GDI2: variants seen among roughly 807,000 people sequenced by gnomAD.
GDI2 encodes the protein rab GDP dissociation inhibitor beta.
A neutral mutation model predicts 54.2 loss-of-function variants in GDI2; 22 were observed. The ratio of observed to expected loss-of-function variants is 0.41; its 90% CI spans 0.29 to 0.58. The LOEUF (loss-of-function observed/expected upper bound fraction) is 0.58, where lower values mean the gene tolerates loss of function less well. GDI2 is among the 20% of genes least tolerant of loss of function. The pLI, the probability that GDI2 is intolerant of heterozygous loss-of-function variation, is 0.35. For synonymous variants in GDI2, 177 were observed against 182.1 expected, an observed-to-expected ratio of 0.97 and a Z score of 0.23; for missense variants, 422 against 546.0, an observed-to-expected ratio of 0.77 and a Z score of 2.26.
Position 5,799,458 on chromosome 10 carries a change from C to G in GDI2, c.153+1140G>C, listed in dbSNP as rs1436562709. On this transcript the variant is annotated intron_variant, in intron 2 of 10. Coordinates refer to ENST00000380191, the MANE Select transcript of GDI2 (RefSeq NM_001494.4). ...CATGAGGTCAGGGGTTCCAGACCAG[C>G]CTGGCCATCATGGTGGAACCCCGTC... Among the ~76,000 whole-genome samples the G allele has an allele frequency of 3.3e-5, 5 of 151,822 alleles. No individual in the cohort carries two copies. The East Asian group carries it at 9.8e-4, about 30-fold the overall frequency.
intron 1 of GDI2, among the ~76,000 whole-genome samples, chr10:5,810,504 A>G (rs1841462435): frequency 6.6e-6 from 1 of 152,278 alleles, no homozygotes; most frequent in African/African-American, 2.4e-5. Flanking sequence ...GGGAAAAAAT[A>G]TGAAGAGTAA....
chr10:5,776,631 C>T lies in GDI2; in HGVS notation c.720-2690G>A. ...GAAAAGGGCAGACTTCTAAATGGTC[C>T]AATAGAAAAGGAGCTGGATGTAGAT... is the stretch of plus-strand genomic sequence containing the variant. On this transcript the variant is annotated intron_variant, in intron 6 of 10. Transcript: ENST00000380191. The surrounding 1 kb of genome is among the most constrained non-coding windows in gnomAD (Gnocchi z 5.3). 2.0e-6 allele frequency: 3 copies of T among 1,493,380 alleles called. No individual in the cohort carries two copies. Among genetic ancestry groups the T allele is most frequent in the Non-Finnish European group, 2.8e-6 (3 of 1,075,048 alleles). The allele number at this position is 1,493,380 out of a possible 1,614,324, so 92.5% of individuals were successfully genotyped here. A position where few individuals can be genotyped will look rare whatever the true frequency, so the allele number is the denominator to read the frequency against.
chr10:5,769,586 A>C (rs1156727582), intron 7 of GDI2, among the ~76,000 whole-genome samples: 1 of 152,110 alleles, frequency 6.6e-6, no homozygotes, highest in Non-Finnish European at 1.5e-5. Context: ...AAAAAAAAAA[A>C]AAAATCGAAG....
chr10:5,801,897 G>A (rs911681759), intron 1 of GDI2, among the ~76,000 whole-genome samples: 1 of 150,690 alleles, frequency 6.6e-6, no homozygotes, highest in African/African-American at 2.4e-5. Context: ...TGTAATTCCA[G>A]CAACTCAGGA....
intron 1 of GDI2, among the ~76,000 whole-genome samples, chr10:5,804,096 C>CTTTTT (rs34897650): frequency 6.8e-6 from 1 of 147,274 alleles, no homozygotes. Flanking sequence ...ATCATTCTTT[C>CTTTTT]TTTTTTTTTT....
intron 6 of GDI2, among the ~76,000 whole-genome samples, chr10:5,777,210 T>A (rs1490695488): frequency 6.6e-6 from 1 of 152,172 alleles, no homozygotes; most frequent in Non-Finnish European, 1.5e-5. Flanking sequence ...CGGTGGCTCA[T>A]GCCTGTAATC....
In GDI2 at chr10:5,773,851, A is replaced by C; in HGVS notation, c.810T>G (p.Ser270=). ...VQNGKVIGVK[S]EGEIARCKQL... ...TTTAAAAGCTACTTACTTCTCCTTCAGATTTTACACCAATTACTTTTCCAT... is the reference window on the plus strand; with the variant it reads ...TTTAAAAGCTACTTACTTCTCCTTCCGATTTTACACCAATTACTTTTCCAT... The change falls in exon 7 of 11, where the codon TCT becomes TCG. Residue 270 remains serine, a synonymous_variant. Coordinates refer to ENST00000380191, the MANE Select transcript of GDI2 (RefSeq NM_001494.4). 5.0e-6 allele frequency: 7 copies of C among 1,388,668 alleles called. No individual in the cohort carries two copies. Among genetic ancestry groups the C allele is most frequent in the Non-Finnish European group, 7.1e-6 (7 of 983,954 alleles). 86.0% of individuals were successfully genotyped at this position (1,388,668 alleles called of 1,614,324 possible).
intron 1 of GDI2, among the ~76,000 whole-genome samples, chr10:5,812,333 T>C (rs949571661): frequency 2.0e-5 from 3 of 152,360 alleles, no homozygotes; most frequent in South Asian, 2.1e-4. Flanking sequence ...TAGGTACACC[T>C]TGCATTCATA....
In GDI2 at chr10:5,766,303, GA is replaced by G; in HGVS notation, c.1137-9del. The G allele has an allele frequency of 6.2e-7, 1 of 1,610,266 alleles. No individual in the cohort carries two copies. Among genetic ancestry groups the G allele is most frequent in the Non-Finnish European group, 8.5e-7 (1 of 1,176,488 alleles). Reference sequence around the variant, plus strand: ...TCACTGATGCTAACAAATCTGGAGGGAGAGAGAATTCAGTCAGGTGAGCTGG... The same window carrying G: ...TCACTGATGCTAACAAATCTGGAGGGGAGAGAATTCAGTCAGGTGAGCTGG... On this transcript the variant is annotated splice_polypyrimidine_tract_variant and intron_variant, in intron 9 of 10. Transcript: ENST00000380191. The surrounding 1 kb of genome is among the most constrained non-coding windows in gnomAD (Gnocchi z 5.8).
At chr10:5,809,137 C>T (rs918735814) in intron 1 of GDI2, among the ~76,000 whole-genome samples, 3 of 151,348 alleles carry the variant, frequency 2.0e-5, no homozygotes, top group African/African-American at 4.9e-5. Flanking sequence ...CCCAGCTACC[C>T]GGGAGGCTGA....
chr10:5,771,584 T>C (rs1840489646), intron 7 of GDI2, among the ~76,000 whole-genome samples: 1 of 151,828 alleles, frequency 6.6e-6, no homozygotes, highest in African/African-American at 2.4e-5. Flanking sequence ...TAGGTGGGTG[T>C]CCTGACAAAA....
In GDI2 at chr10:5,783,050, A is replaced by G. The variant is rs139309100; in HGVS notation, c.719+2092T>C. Among the ~76,000 whole-genome samples the G allele has an allele frequency of 9.1e-4, 138 of 152,332 alleles. 1 individual carries two copies. The highest frequency in any genetic ancestry group is 3.2e-3 in the African/African-American group (133 of 41,574). On this transcript the variant is annotated intron_variant, in intron 6 of 10. Transcript: ENST00000380191. ...TACATGAACTTTGAAAACAAGCAAA[A>G]GTAATCTATAGTGACAGAAATCACA... is the stretch of plus-strand genomic sequence containing the variant.
At chr10:5,775,906 G>A (rs1840608619) in intron 6 of GDI2, among the ~76,000 whole-genome samples, 1 of 152,170 alleles carries the variant, frequency 6.6e-6, no homozygotes, top group Admixed American at 6.5e-5. Context: ...AGGAAGTGGT[G>A]AGGTTGTTGC....
At chr10:5,777,011 G>A (rs1840637107) in intron 6 of GDI2, among the ~76,000 whole-genome samples, 1 of 152,192 alleles carries the variant, frequency 6.6e-6, no homozygotes, top group Non-Finnish European at 1.5e-5. Flanking sequence ...GCCAGGACTT[G>A]GCAAACAGTC....
intron 1 of GDI2, among the ~76,000 whole-genome samples, chr10:5,804,096 CTTT>C (rs34897650): frequency 6.8e-6 from 1 of 147,276 alleles, no homozygotes; most frequent in Admixed American, 6.8e-5. Context: ...ATCATTCTTT[CTTT>C]TTTTTTTTAT....
rs529596588 is a variant in GDI2 at position 5,774,145 on chromosome 10, C to A, written c.720-204G>T. Among the ~76,000 whole-genome samples the A allele has an allele frequency of 6.6e-6, 1 of 150,868 alleles. No individual in the cohort carries two copies. Among genetic ancestry groups the A allele is most frequent in the African/African-American group, 2.4e-5 (1 of 41,218 alleles). On this transcript the variant is annotated intron_variant, in intron 6 of 10. Transcript: ENST00000380191. This position sits in a 1 kb window ranked among gnomAD's most constrained non-coding sequence, Gnocchi z 4.8. Reference sequence around the variant, plus strand: ...TTATAAATACGAAGTCAAAAAAAATCACTAACCAGGCACTTGTCTTTCGAG... The same window carrying A: ...TTATAAATACGAAGTCAAAAAAAATAACTAACCAGGCACTTGTCTTTCGAG...
intron 7 of GDI2, among the ~76,000 whole-genome samples, chr10:5,772,795 A>C (rs377474699): frequency 1.3e-5 from 2 of 152,192 alleles, no homozygotes; most frequent in South Asian, 4.1e-4. Flanking sequence ...ATTTTAGTAG[A>C]TAAAACACAC....
chr10:5,811,513 G>A (rs950850293), intron 1 of GDI2, among the ~76,000 whole-genome samples: 1 of 152,112 alleles, frequency 6.6e-6, no homozygotes, highest in African/African-American at 2.4e-5. Flanking sequence ...TCAATTGTGA[G>A]CAAATCTGAA....
rs1490694818 is a variant in GDI2, at chr10:5,766,478, AAAG to A, written c.1136+13_1136+15del. On this transcript the variant is annotated intron_variant, in intron 9 of 10. Transcript: ENST00000380191. This position sits in a 1 kb window ranked among gnomAD's most constrained non-coding sequence, Gnocchi z 5.8. ...CTCAGTTTGCATCTCGGCAGATATAAAAGAACACAACTCACTTCTGTTCAATTG... is the reference window on the plus strand; with the variant it reads ...CTCAGTTTGCATCTCGGCAGATATAAAACACAACTCACTTCTGTTCAATTG... 6.2e-7 allele frequency: 1 copy of A among 1,612,666 alleles called. No individual in the cohort carries two copies. Among genetic ancestry groups the A allele is most frequent in the Non-Finnish European group, 8.5e-7 (1 of 1,179,774 alleles).
Sources: gnomAD v4.1 joint callset for allele counts (sites outside exome capture counted in the v4.1 genomes callset) on GRCh38, gnomAD v4.1.1 for gene constraint, Gnocchi (gnomAD v3.1) non-coding constraint, MANE v1.5 for transcripts, NCBI Gene and HGNC (gene_info 2026-07-23, HGNC 2026-07-21) for gene names.